Variants in SV2C observed in about 807,000 individuals in gnomAD.
The protein encoded by SV2C is solute carrier family 22 member B3.
SV2C carries 49 observed loss-of-function variants against 79.7 expected under a neutral mutation model. The observed-to-expected ratio is 0.61, with a 90% CI of 0.49 to 0.78. The LOEUF is 0.78. Ranked by LOEUF, SV2C falls within the 30% of genes least tolerant of loss-of-function variation. The probability of loss-of-function intolerance (pLI) is 0.00; values close to 1 mark genes in which losing one functional copy is unlikely to be tolerated. For synonymous variants in SV2C, 334 were observed against 333.2 expected, an observed-to-expected ratio of 1.00 and a Z score of -0.03; for missense variants, 833 against 912.9, an observed-to-expected ratio of 0.91 and a Z score of 1.13.
the SV2C span, among the ~76,000 whole-genome samples, chr5:75,896,878 G>C: frequency 1.4e-5 from 2 of 147,492 alleles, no homozygotes; most frequent in African/African-American, 5.4e-5. Flanking sequence ...TTTGAGAAGT[G>C]TCTGTTCATG....
the SV2C span, among the ~76,000 whole-genome samples, chr5:75,984,594 TCTAC>T: frequency 0.032 from 2,604 of 81,876 alleles, 39 homozygotes; most frequent in Non-Finnish European, 0.063. Flanking sequence ...TATCTATCTA[TCTAC>T]CTATCTATCT....
the SV2C span, chr5:75,921,760 G>C: frequency 2.7e-6 from 1 of 368,764 alleles, no homozygotes; most frequent in Non-Finnish European, 5.1e-6. Flanking sequence ...GAAGCTCATG[G>C]TATCTACCAA....
chr5:76,191,651 G>A (rs1464278161), intron 2 of SV2C, among the ~76,000 whole-genome samples: 1 of 152,190 alleles, frequency 6.6e-6, no homozygotes, highest in Non-Finnish European at 1.5e-5. Flanking sequence ...CAGGGGAAAT[G>A]AGGGTATGAT....
chr5:76,256,829 A>G (rs145808675), intron 4 of SV2C, among the ~76,000 whole-genome samples: 8 of 152,350 alleles, frequency 5.3e-5, no homozygotes, highest in African/African-American at 1.7e-4. Context: ...TCTAGTTTAC[A>G]TCTTCATTTT....
the SV2C span, among the ~76,000 whole-genome samples, chr5:75,877,482 A>G: frequency 6.6e-6 from 1 of 151,996 alleles, no homozygotes; most frequent in Non-Finnish European, 1.5e-5. Context: ...ATGCACACAC[A>G]TCATTCTCCA....
the SV2C span, among the ~76,000 whole-genome samples, chr5:76,010,333 C>G: frequency 6.6e-6 from 1 of 152,066 alleles, no homozygotes; most frequent in Non-Finnish European, 1.5e-5. Context: ...CGCTAATTAT[C>G]CAGGGAAAAG....
chr5:75,939,041 G>C, the SV2C span, among the ~76,000 whole-genome samples: 3 of 152,126 alleles, frequency 2.0e-5, no homozygotes, highest in Non-Finnish European at 2.9e-5. Flanking sequence ...CATTTAAACA[G>C]GAAAGATGGG....
At chr5:76,073,327 C>A in the SV2C span, among the ~76,000 whole-genome samples, 1 of 151,774 alleles carries the variant, frequency 6.6e-6, no homozygotes, top group Non-Finnish European at 1.5e-5. Context: ...ATTATCCCAG[C>A]ATCATTTTTT....
intron 1 of SV2C, among the ~76,000 whole-genome samples, chr5:76,096,008 C>G (rs948103371): frequency 1.5e-4 from 23 of 152,070 alleles, no homozygotes; most frequent in African/African-American, 4.8e-4. Flanking sequence ...GGTCTTAATC[C>G]TTATTACATC....
At chr5:75,895,966 C>A in the SV2C span, among the ~76,000 whole-genome samples, 1 of 151,958 alleles carries the variant, frequency 6.6e-6, no homozygotes, top group Non-Finnish European at 1.5e-5. Flanking sequence ...ATATTAAATA[C>A]ATTTGCACTA....
At chr5:75,954,893 G>A in the SV2C span, among the ~76,000 whole-genome samples, 1 of 144,440 alleles carries the variant, frequency 6.9e-6, no homozygotes, top group African/African-American at 2.8e-5. Flanking sequence ...GGAAATAAAA[G>A]AGGATACAAA....
the SV2C span, among the ~76,000 whole-genome samples, chr5:76,005,518 A>G: frequency 2.0e-5 from 3 of 152,136 alleles, no homozygotes; most frequent in Non-Finnish European, 2.9e-5. Context: ...AATTTCATGT[A>G]TGACTAGGAA....
intron 3 of SV2C, among the ~76,000 whole-genome samples, chr5:76,204,942 T>A (rs1489860123): frequency 1.3e-5 from 2 of 152,242 alleles, no homozygotes; most frequent in Non-Finnish European, 2.9e-5. Flanking sequence ...TCTGTCATCC[T>A]GTTGTGCTAA....
chr5:76,310,568 G>T (rs1034644169), intron 12 of SV2C, among the ~76,000 whole-genome samples: 1 of 152,176 alleles, frequency 6.6e-6, no homozygotes, highest in African/African-American at 2.4e-5. Context: ...CCAATGTGGG[G>T]TTTGGGGGCA....
At chr5:76,181,219 G>T (rs1174581806) in intron 2 of SV2C, among the ~76,000 whole-genome samples, 2 of 152,144 alleles carry the variant, frequency 1.3e-5, no homozygotes, top group African/African-American at 4.8e-5. Flanking sequence ...GTAGATAAAG[G>T]TTGGTAGGAA....
intron 2 of SV2C, among the ~76,000 whole-genome samples, chr5:76,154,458 T>G (rs1742660568): frequency 6.6e-6 from 1 of 152,218 alleles, no homozygotes; most frequent in South Asian, 2.1e-4. Flanking sequence ...AGAGGAAATT[T>G]GTGCATTTAT....
the SV2C span, among the ~76,000 whole-genome samples, chr5:76,044,350 G>A: frequency 6.6e-6 from 1 of 152,108 alleles, no homozygotes; most frequent in Non-Finnish European, 1.5e-5. Context: ...TTGCTATTGT[G>A]AATAGTGCTG....
At chr5:76,002,690 C>T in the SV2C span, among the ~76,000 whole-genome samples, 1 of 152,014 alleles carries the variant, frequency 6.6e-6, no homozygotes, top group Admixed American at 6.6e-5. Flanking sequence ...ACTCTCTGGC[C>T]AAGCATTGAT....
At chr5:76,025,487 T>C in the SV2C span, among the ~76,000 whole-genome samples, 1 of 152,234 alleles carries the variant, frequency 6.6e-6, no homozygotes, top group African/African-American at 2.4e-5. Flanking sequence ...AACATCATAT[T>C]ACAGTGGAAA....
Sources: gnomAD v4.1 joint callset for allele counts (sites outside exome capture counted in the v4.1 genomes callset) on GRCh38, gnomAD v4.1.1 for gene constraint, MANE v1.5 for transcripts, NCBI Gene and HGNC (gene_info 2026-07-23, HGNC 2026-07-21) for gene names.